The following EPB41L4B variants were observed in gnomAD, a reference collection of about 807,000 sequenced individuals.
EPB41L4B encodes erythrocyte membrane protein band 4.1 like 4B.
A neutral mutation model predicts 112.5 loss-of-function variants in EPB41L4B; 30 were observed. The ratio of observed to expected loss-of-function variants is 0.27; its 90% CI spans 0.20 to 0.36. The LOEUF (loss-of-function observed/expected upper bound fraction) is 0.36, where lower values mean the gene tolerates loss of function less well. Among genes scored for constraint, EPB41L4B ranks in the 10% least tolerant of loss-of-function variants. The pLI, the probability that EPB41L4B is intolerant of heterozygous loss-of-function variation, is 1.00. For missense variants in EPB41L4B, 1,024 were observed against 1,133.3 expected (o/e 0.90, Z 1.38); for synonymous variants, 408 against 439.7 (o/e 0.93, Z 0.90).
At chr9:109,215,764 C>T (rs530729912) in intron 16 of EPB41L4B, among the ~76,000 whole-genome samples, 1 of 152,226 alleles carries the variant, frequency 6.6e-6, no homozygotes, top group East Asian at 1.9e-4. Context: ...AAATAACGGA[C>T]ATGCCGAATC....
intron 24 of EPB41L4B, 47 bp downstream of exon 24, chr9:109,182,682 T>A: frequency 7.0e-7 from 1 of 1,432,320 alleles, no homozygotes. Context: ...GCACACCGCA[T>A]GGGAACAAGG....
chr9:109,232,930 T>G (rs950438059), intron 15 of EPB41L4B, among the ~76,000 whole-genome samples: 1 of 152,226 alleles, frequency 6.6e-6, no homozygotes, highest in Admixed American at 6.5e-5. Flanking sequence ...AACACTGATA[T>G]GAATTTTAAG....
chr9:109,181,621 G>A (rs559242101), intron 24 of EPB41L4B, among the ~76,000 whole-genome samples: 1 of 152,004 alleles, frequency 6.6e-6, no homozygotes, highest in Non-Finnish European at 1.5e-5. Context: ...AGGATCACTT[G>A]AGCCCAGGAG....
rs201189873 is a variant in EPB41L4B, at chr9:109,217,134, G to A, written c.1421C>T (p.Pro474Leu). 6.8e-6 allele frequency: 11 copies of A among 1,613,892 alleles called. No individual in the cohort carries two copies. In the African/African-American group the frequency reaches 1.3e-4, roughly 20 times the overall value. Residue 474 changes from proline (P) to leucine (L), a missense_variant, in exon 16 of 26, where the codon CCT (proline) becomes CTT (leucine). Physicochemically the swap from Pro to Leu is moderately conservative, Grantham distance 98 (BLOSUM62 -3). Coordinates refer to ENST00000374566, the MANE Select transcript of EPB41L4B (RefSeq NM_019114.5). ...GTCCGAGCTGCTAAGCACTGGGGAA[G>A]GGAGCGGGTAGCTGTGGAGGGTGAC... ...PHSPNVSYPL[P>L]SPVLSSSDRL... is the part of the protein sequence containing the mutation.
chr9:109,256,529 C>T, intron 7 of EPB41L4B, 49 bp from the exon 8 acceptor site: 1 of 1,548,524 alleles, frequency 6.5e-7, no homozygotes, highest in Non-Finnish European at 8.9e-7. Flanking sequence ...CGTAAGCCCA[C>T]AGGATTCTGA....
At chr9:109,223,434 CAA>C (rs35529450) in intron 15 of EPB41L4B, among the ~76,000 whole-genome samples, 35 of 129,168 alleles carry the variant, frequency 2.7e-4, no homozygotes, top group African/African-American at 3.2e-4. Flanking sequence ...GACCCTGTCT[CAA>C]AAAAAAAAAA....
chr9:109,191,356 T>C (rs1832454933), intron 22 of EPB41L4B, among the ~76,000 whole-genome samples: 1 of 150,840 alleles, frequency 6.6e-6, no homozygotes, highest in Admixed American at 6.6e-5. Context: ...TGGCTGTGTC[T>C]CAGTGCAGTG....
At chr9:109,246,927 A>C (rs1834578620) in intron 14 of EPB41L4B, among the ~76,000 whole-genome samples, 1 of 152,206 alleles carries the variant, frequency 6.6e-6, no homozygotes, top group Non-Finnish European at 1.5e-5. Context: ...TAATGAGTTC[A>C]CCACTACCAA....
At chr9:109,217,232 AAAC>A in intron 15 of EPB41L4B, 87 bp from the exon 16 acceptor site, 1 of 1,134,590 alleles carries the variant, frequency 8.8e-7, no homozygotes, top group South Asian at 1.3e-5. Flanking sequence ...TCTAGGCATT[AAAC>A]ACTGAAAGAA....
intron 6 of EPB41L4B, 99 bp downstream of exon 6, chr9:109,262,951 C>A (rs1266812342): frequency 9.5e-6 from 8 of 841,582 alleles, no homozygotes; most frequent in Non-Finnish European, 7.5e-6. Flanking sequence ...ATTTATATCC[C>A]CAAAGCTAAG....
intron 20 of EPB41L4B, among the ~76,000 whole-genome samples, chr9:109,199,267 T>C (rs952627997): frequency 1.3e-5 from 2 of 152,184 alleles, no homozygotes; most frequent in African/African-American, 4.8e-5. Flanking sequence ...AAGCAGCTTC[T>C]GATGTGGGTT....
intron 24 of EPB41L4B, among the ~76,000 whole-genome samples, chr9:109,181,139 G>A (rs1341010642): frequency 6.6e-6 from 1 of 151,970 alleles, no homozygotes; most frequent in East Asian, 1.9e-4. Flanking sequence ...AGCCTCCTGG[G>A]TAACTGGGAC....
In EPB41L4B at chr9:109,294,222, G is replaced by A. The variant is rs534030602; in HGVS notation, c.307-14301C>T. Among the ~76,000 whole-genome samples the A allele has an allele frequency of 9.9e-5, 15 of 151,360 alleles. No individual in the cohort carries two copies. In the South Asian group the frequency reaches 2.1e-3, roughly 21 times the overall value. On this transcript the variant is annotated intron_variant, in intron 1 of 25. Transcript: ENST00000374566. The stretch of plus-strand genomic sequence containing the variant: ...CGGGAGGCTGAGGCAGGAGAATGGC[G>A]TGAACTCAGGAGGTGAAGCTTGCAG...
intron 1 of EPB41L4B, among the ~76,000 whole-genome samples, chr9:109,280,899 C>T (rs780312779): frequency 3.8e-4 from 58 of 152,038 alleles, no homozygotes; most frequent in Non-Finnish European, 7.1e-4. Flanking sequence ...ACTGACTCTC[C>T]CTTTAACTGC....
At chr9:109,275,214 G>A (rs2119114903) in intron 2 of EPB41L4B, among the ~76,000 whole-genome samples, 1 of 152,356 alleles carries the variant, frequency 6.6e-6, no homozygotes, top group East Asian at 1.9e-4. Flanking sequence ...GGGAGCTGGG[G>A]ATATAAGCTG....
intron 1 of EPB41L4B, among the ~76,000 whole-genome samples, chr9:109,296,145 G>T (rs990640614): frequency 6.6e-6 from 1 of 152,160 alleles, no homozygotes; most frequent in Non-Finnish European, 1.5e-5. Flanking sequence ...GCCAAGAAAC[G>T]TGAACAGAAA....
intron 15 of EPB41L4B, among the ~76,000 whole-genome samples, chr9:109,237,439 C>T (rs1331713831): frequency 6.6e-6 from 1 of 152,106 alleles, no homozygotes; most frequent in African/African-American, 2.4e-5. Flanking sequence ...AAGTTAATTC[C>T]ATTAGTTATG....
At chr9:109,301,529 C>A (rs1836966763) in intron 1 of EPB41L4B, among the ~76,000 whole-genome samples, 1 of 152,172 alleles carries the variant, frequency 6.6e-6, no homozygotes. Context: ...GCTTCCCTAC[C>A]CCCGAGGCAA....
At chr9:109,241,860 G>C in intron 15 of EPB41L4B, 1 of 1,591,202 alleles carries the variant, frequency 6.3e-7, no homozygotes, top group South Asian at 1.1e-5. Flanking sequence ...AGAAAATGCA[G>C]AAATGTAAGT....
Sources: gnomAD v4.1 joint callset for allele counts (sites outside exome capture counted in the v4.1 genomes callset) on GRCh38, gnomAD v4.1.1 for gene constraint, MANE v1.5 for transcripts, NCBI Gene and HGNC (gene_info 2026-07-23, HGNC 2026-07-21) for gene names.